Variants in SNTG2 observed in about 807,000 individuals in gnomAD.
SNTG2 encodes the protein syntrophin gamma 2.
In SNTG2, 74 loss-of-function variants were observed where a neutral mutation model predicts 70.9. That is an observed-to-expected ratio of 1.04 (90% CI 0.86 to 1.27). The LOEUF is 1.27. Ranked by LOEUF, SNTG2 falls within the 50% of genes most tolerant of loss-of-function variation. SNTG2 has a pLI of 0.00. For missense variants in SNTG2, 717 were observed against 690.7 expected (o/e 1.04, Z -0.43); for synonymous variants, 278 against 273.8 (o/e 1.02, Z -0.15).
At chr2:1,197,294 T>C (rs1051005119) in intron 8 of SNTG2, among the ~76,000 whole-genome samples, 10 of 151,252 alleles carry the variant, frequency 6.6e-5, no homozygotes, top group Non-Finnish European at 1.5e-5. Flanking sequence ...TCTATACAAA[T>C]GGAAACCAAA....
intron 9 of SNTG2, among the ~76,000 whole-genome samples, chr2:1,237,222 C>T (rs549791711): frequency 2.0e-5 from 3 of 152,212 alleles, no homozygotes; most frequent in South Asian, 2.1e-4. Context: ...TGATTATAGG[C>T]GTGAGCCACT....
At chr2:1,208,264 G>A (rs535181634) in intron 8 of SNTG2, among the ~76,000 whole-genome samples, 2 of 75,022 alleles carry the variant, frequency 2.7e-5, no homozygotes, top group South Asian at 4.2e-4. Context: ...TGTGAGGCAC[G>A]CCCATGAGTG....
chr2:1,244,678 A>G (rs1237819956), intron 11 of SNTG2, among the ~76,000 whole-genome samples: 4 of 134,858 alleles, frequency 3.0e-5, no homozygotes, highest in African/African-American at 1.1e-4. Context: ...CCTGGGTGAC[A>G]GAGCGAGACT....
chr2:1,166,752 C>T (rs910056451), intron 7 of SNTG2, among the ~76,000 whole-genome samples: 8 of 152,206 alleles, frequency 5.3e-5, no homozygotes, highest in South Asian at 4.1e-4. Context: ...TACCACGCCC[C>T]CATCCTATGC....
At position 1,250,586 on chromosome 2, in the gene SNTG2, TTGTCTC is replaced by T. The variant is rs1280018489; in HGVS notation, c.1005+3145_1005+3150del. ...TCTCTTTCTCCATCTGTCTTTGTCTTTGTCTCTCTCTGTCTGACTCTATTTCTCTCT... is the reference window on the plus strand; with the variant it reads ...TCTCTTTCTCCATCTGTCTTTGTCTTTCTCTGTCTGACTCTATTTCTCTCT... On this transcript the variant is annotated intron_variant, in intron 12 of 16. Coordinates refer to ENST00000308624, the MANE Select transcript of SNTG2 (RefSeq NM_018968.4). 3.3e-5 allele frequency among the ~76,000 whole-genome samples: 5 copies of T among 151,114 alleles called. No homozygotes were observed. In the East Asian group the frequency reaches 5.9e-4, roughly 18 times the overall value.
At position 1,222,021 on chromosome 2, in the gene SNTG2, G is replaced by C. The variant is rs1553362087; in HGVS notation, c.719+12791G>C. Among the ~76,000 whole-genome samples, 105 of 41,788 alleles carry C rather than the reference G, an allele frequency of 2.5e-3. 25 individuals are homozygous for C. The highest frequency in any genetic ancestry group is 6.0e-3 in the Non-Finnish European group (84 of 14,056). 27.4% of individuals were successfully genotyped at this position (41,788 alleles called of 152,430 possible). ...TCTCTGTCTCTCTCTGTCTCTCTCTGTCTCTGCCTATCTCTGTCTCTCTCT... is the reference window on the plus strand; with the variant it reads ...TCTCTGTCTCTCTCTGTCTCTCTCTCTCTCTGCCTATCTCTGTCTCTCTCT... On this transcript the variant is annotated intron_variant, in intron 9 of 16. Coordinates refer to ENST00000308624, the MANE Select transcript of SNTG2 (RefSeq NM_018968.4).
At chr2:1,287,973 C>T (rs1035473448) in intron 14 of SNTG2, among the ~76,000 whole-genome samples, 1 of 151,706 alleles carries the variant, frequency 6.6e-6, no homozygotes, top group Non-Finnish European at 1.5e-5. Context: ...GCACCTGGGG[C>T]GAGCCCAGCT....
At chr2:1,316,233 A>G (rs1285544997) in intron 15 of SNTG2, 32 bp from the exon 16 acceptor site, 2 of 1,099,002 alleles carry the variant, frequency 1.8e-6, no homozygotes, top group African/African-American at 3.1e-5. Flanking sequence ...GCTCTTGTTT[A>G]GAAATCGCTA....
At chr2:1,102,124 G>A (rs1193590084) in intron 4 of SNTG2, among the ~76,000 whole-genome samples, 2 of 152,318 alleles carry the variant, frequency 1.3e-5, no homozygotes, top group East Asian at 1.9e-4. Context: ...CAGTGAACAC[G>A]TGTGCGATAC....
chr2:1,357,886 T>C (rs528929350), intron 16 of SNTG2, among the ~76,000 whole-genome samples: 1 of 152,264 alleles, frequency 6.6e-6, no homozygotes, highest in South Asian at 2.1e-4. Context: ...TTGAGTTTTC[T>C]CTATTTTTTT....
intron 13 of SNTG2, among the ~76,000 whole-genome samples, chr2:1,261,601 A>G (rs1199281345): frequency 6.6e-6 from 1 of 152,216 alleles, no homozygotes; most frequent in East Asian, 1.9e-4. Context: ...CACTCTGGAC[A>G]CTATGGAGCG....
intron 16 of SNTG2, among the ~76,000 whole-genome samples, chr2:1,351,388 T>C (rs183978200): frequency 1.7e-3 from 254 of 152,254 alleles, no homozygotes; most frequent in African/African-American, 5.3e-3. Flanking sequence ...ATAATTCCAT[T>C]ATTTGCTGAA....
chr2:954,359 C>T (rs185340551), intron 1 of SNTG2, among the ~76,000 whole-genome samples: 1 of 151,592 alleles, frequency 6.6e-6, no homozygotes, highest in Non-Finnish European at 1.5e-5. Context: ...CTCAGAAACT[C>T]ACTCTTTAAT....
At chr2:967,620 G>T (rs1193516919) in intron 1 of SNTG2, among the ~76,000 whole-genome samples, 2 of 151,994 alleles carry the variant, frequency 1.3e-5, no homozygotes, top group South Asian at 2.1e-4. Flanking sequence ...TTTGTCAGTG[G>T]GCATTTGCTT....
chr2:1,018,318 G>A (rs1262594539), intron 1 of SNTG2, among the ~76,000 whole-genome samples: 4 of 152,184 alleles, frequency 2.6e-5, no homozygotes, highest in African/African-American at 4.8e-5. Context: ...AAGGCACGTC[G>A]CTGGTGGTCA....
intron 1 of SNTG2, chr2:1,059,044 C>T (rs942475942): frequency 1.2e-4 from 19 of 152,284 alleles, no homozygotes; most frequent in African/African-American, 4.6e-4. Flanking sequence ...CATTTCCTTC[C>T]TTGTCCCAGT....
At chr2:1,326,008 T>C (rs1010511514) in intron 16 of SNTG2, among the ~76,000 whole-genome samples, 16 of 152,128 alleles carry the variant, frequency 1.1e-4, no homozygotes, top group Admixed American at 1.0e-3. Flanking sequence ...TAATTTTATA[T>C]TTTTAGTAGA....
intron 1 of SNTG2, among the ~76,000 whole-genome samples, chr2:952,210 C>G (rs1659997473): frequency 6.6e-6 from 1 of 152,108 alleles, no homozygotes; most frequent in African/African-American, 2.4e-5. Flanking sequence ...TAATCAAACC[C>G]GAGAAAATAT....
intron 14 of SNTG2, among the ~76,000 whole-genome samples, chr2:1,272,053 G>T (rs745438559): frequency 1.3e-5 from 2 of 152,150 alleles, no homozygotes; most frequent in Non-Finnish European, 2.9e-5. Flanking sequence ...CCGGTTTTGT[G>T]AATGACAGTT....
Sources: allele counts gnomAD v4.1 joint callset (sites outside exome capture counted in the v4.1 genomes callset), GRCh38; gene constraint gnomAD v4.1.1; transcripts MANE v1.5; gene names NCBI Gene and HGNC (gene_info 2026-07-23, HGNC 2026-07-21).